The following GPATCH2 variants were observed in gnomAD, a reference collection of about 807,000 sequenced individuals.
The protein encoded by GPATCH2 is G-patch domain containing 2.
Under a neutral mutation model 58.0 loss-of-function variants are expected in GPATCH2, and 51 were observed. The observed-to-expected ratio is 0.88, with a 90% CI of 0.70 to 1.11. The LOEUF is 1.11. GPATCH2 is among the 50% of genes most tolerant of loss of function. GPATCH2 has a pLI of 0.00. For missense variants in GPATCH2, 625 were observed against 652.2 expected, an observed-to-expected ratio of 0.96 and a Z score of 0.45; for synonymous variants, 222 against 218.5, an observed-to-expected ratio of 1.02 and a Z score of -0.14.
At chr1:217,583,276 AAGAT>A (rs2102747407) in intron 5 of GPATCH2, among the ~76,000 whole-genome samples, 1 of 152,292 alleles carries the variant, frequency 6.6e-6, no homozygotes, top group Admixed American at 6.5e-5. Flanking sequence ...TCTGTCTAAA[AAGAT>A]AGAAGACTGA....
At chr1:217,516,118 T>C (rs139325683) in intron 5 of GPATCH2, among the ~76,000 whole-genome samples, 2 of 151,922 alleles carry the variant, frequency 1.3e-5, no homozygotes, top group Non-Finnish European at 2.9e-5. Flanking sequence ...TTTCTTATCA[T>C]ATAGATGGTT....
At chr1:217,484,021 T>G (rs963913625) in intron 8 of GPATCH2, among the ~76,000 whole-genome samples, 2 of 152,222 alleles carry the variant, frequency 1.3e-5, no homozygotes, top group Admixed American at 6.5e-5. Flanking sequence ...TTCTGAAGTT[T>G]TATCAAAGCA....
At chr1:217,583,387 T>A (rs1006171888) in intron 5 of GPATCH2, among the ~76,000 whole-genome samples, 4 of 151,728 alleles carry the variant, frequency 2.6e-5, no homozygotes, top group Non-Finnish European at 5.9e-5. Flanking sequence ...CTGGCAAACA[T>A]GGTGAAACCC....
In GPATCH2 at chr1:217,473,051, A is replaced by C. The variant is rs564476245; in HGVS notation, c.1277+18629T>G. ...GTGGAGGAAACTATCAGTCCCAGGC[A>C]GCTTTCCTGAGCCTTGGGAGGCTGC... On this transcript the variant is annotated intron_variant, in intron 8 of 9. Coordinates refer to ENST00000366935, the MANE Select transcript of GPATCH2 (RefSeq NM_018040.5). 3.9e-5 allele frequency among the ~76,000 whole-genome samples: 6 copies of C among 152,314 alleles called. No individual in the cohort carries two copies. The East Asian group carries it at 1.2e-3, about 29-fold the overall frequency.
At position 217,523,747 on chromosome 1, in the gene GPATCH2, CG is replaced by C. The variant is rs1158514013; in HGVS notation, c.1099-8859del. ...GGGGCTCCTCACTTCCCAGTAGGGG[CG>C]GCCGGGCAGAGGCGCCCCTCACCTC... On this transcript the variant is annotated intron_variant, in intron 5 of 9. Coordinates refer to ENST00000366935, the MANE Select transcript of GPATCH2 (RefSeq NM_018040.5). 1.1e-4 allele frequency among the ~76,000 whole-genome samples: 16 copies of C among 146,524 alleles called. 1 individual carries two copies. Among genetic ancestry groups the C allele is most frequent in the Admixed American group, 7.4e-4 (11 of 14,950 alleles).
chr1:217,624,608 C>A (rs1408416261), intron 1 of GPATCH2, among the ~76,000 whole-genome samples: 32 of 152,330 alleles, frequency 2.1e-4, no homozygotes, highest in Admixed American at 2.1e-3. Context: ...TACACTGATG[C>A]ATCAGAAGAC....
intron 9 of GPATCH2, among the ~76,000 whole-genome samples, chr1:217,444,883 T>C (rs1346341865): frequency 6.6e-6 from 1 of 152,206 alleles, no homozygotes; most frequent in African/African-American, 2.4e-5. Flanking sequence ...AGGAGCTTGG[T>C]TGCACCACAC....
intron 8 of GPATCH2, 142 bp from the exon 9 acceptor site, chr1:217,449,479 C>T (rs567738163): frequency 2.3e-4 from 139 of 606,890 alleles, no homozygotes; most frequent in Non-Finnish European, 3.6e-4. Context: ...TTGTTTATAT[C>T]GAAACATAAT....
At chr1:217,603,605 AATTT>A (rs201623295) in intron 5 of GPATCH2, among the ~76,000 whole-genome samples, 195 of 151,860 alleles carry the variant, frequency 1.3e-3, no homozygotes, top group African/African-American at 4.5e-3. Context: ...CAAAATAGAG[AATTT>A]ATTTATTTAT....
intron 5 of GPATCH2, 158 bp downstream of exon 5, chr1:217,610,163 T>C (rs1668553832): frequency 1.3e-6 from 2 of 1,571,320 alleles, no homozygotes; most frequent in South Asian, 1.1e-5. Context: ...ATTTGGTTTA[T>C]AGGGGAATCT....
chr1:217,469,933 A>G (rs536158432), intron 8 of GPATCH2, among the ~76,000 whole-genome samples: 6 of 152,188 alleles, frequency 3.9e-5, no homozygotes, highest in Non-Finnish European at 8.8e-5. Context: ...TCTTACTAAT[A>G]AATTAGGACT....
rs141300588 is a variant in GPATCH2, at chr1:217,604,209, T to C, written c.1098+6112A>G. Among the ~76,000 whole-genome samples, 1,490 of 151,574 alleles carry C rather than the reference T, an allele frequency of 9.8e-3. 11 individuals carry two copies. The highest frequency in any genetic ancestry group is 0.017 in the Non-Finnish European group (1,130 of 67,826). The stretch of plus-strand genomic sequence containing the variant: ...CTATTAAAAATACAAAAATTAGCAG[T>C]GCACAGTGGCACACAAATGTAGTCT... On this transcript the variant is annotated intron_variant, in intron 5 of 9. Transcript: ENST00000366935.
chr1:217,464,474 G>A (rs2102492523), intron 8 of GPATCH2, among the ~76,000 whole-genome samples: 1 of 152,294 alleles, frequency 6.6e-6, no homozygotes, highest in Admixed American at 6.5e-5. Context: ...TGTACTGAAA[G>A]ATACCAGTTT....
chr1:217,574,311 C>T (rs1666706516), intron 5 of GPATCH2, among the ~76,000 whole-genome samples: 3 of 152,248 alleles, frequency 2.0e-5, no homozygotes, highest in Middle Eastern at 3.4e-3. Context: ...GCCCGAGCCC[C>T]AAAGCTGCCG....
chr1:217,610,366 C>T lies in GPATCH2; in HGVS notation c.1053G>A (p.Met351Ile). 3 of 1,606,770 alleles carry T rather than the reference C, an allele frequency of 1.9e-6. No homozygotes were observed. The highest frequency in any genetic ancestry group is 2.6e-6 in the Non-Finnish European group (3 of 1,174,004). ...CAGATTTTTTAATATTCTTTGAAGA[C>T]ATTCCATGAAGGCGACTGAGTCTAG... is the stretch of plus-strand genomic sequence containing the variant. ...FQARLSRLHG[M>I]SSKNIKKSGG... The change falls in exon 5 of 10, where the codon ATG becomes ATA. Residue 351 changes from methionine to isoleucine, a missense_variant. Coordinates refer to ENST00000366935, the MANE Select transcript of GPATCH2 (RefSeq NM_018040.5).
At chr1:217,510,263 T>C (rs1003664524) in intron 6 of GPATCH2, among the ~76,000 whole-genome samples, 1 of 152,132 alleles carries the variant, frequency 6.6e-6, no homozygotes. Flanking sequence ...TAATTGATTA[T>C]AAATTATCAA....
intron 5 of GPATCH2, among the ~76,000 whole-genome samples, chr1:217,542,617 C>T (rs1009688849): frequency 2.0e-5 from 3 of 152,186 alleles, no homozygotes; most frequent in African/African-American, 7.2e-5. Context: ...GATTTAGGAC[C>T]AAAGCCATCC....
At chr1:217,453,605 G>C (rs1558402963) in intron 8 of GPATCH2, among the ~76,000 whole-genome samples, 1 of 152,142 alleles carries the variant, frequency 6.6e-6, no homozygotes, top group East Asian at 1.9e-4. Context: ...TTTTAAATGG[G>C]GTGGTGGCAG....
chr1:217,542,672 C>G (rs924071801), intron 5 of GPATCH2, among the ~76,000 whole-genome samples: 1 of 152,184 alleles, frequency 6.6e-6, no homozygotes, highest in Admixed American at 6.5e-5. Flanking sequence ...AGCCAATAAA[C>G]ATCTATTTCC....
Sources: gnomAD v4.1 joint callset for allele counts (sites outside exome capture counted in the v4.1 genomes callset) on GRCh38, gnomAD v4.1.1 for gene constraint, MANE v1.5 for transcripts, NCBI Gene and HGNC (gene_info 2026-07-23, HGNC 2026-07-21) for gene names.